Variants in KCNQ3 observed in about 807,000 individuals in gnomAD.
The protein encoded by KCNQ3 is potassium voltage-gated channel subfamily KQT member 3.
In KCNQ3, 30 loss-of-function variants were observed where a neutral mutation model predicts 92.5. The observed-to-expected ratio is 0.32, with a 90% CI of 0.24 to 0.44. The LOEUF is 0.44. KCNQ3 is among the 20% of genes least tolerant of loss of function. The pLI, the probability that KCNQ3 is intolerant of heterozygous loss-of-function variation, is 1.00. For missense variants in KCNQ3, 913 were observed against 1,140.3 expected (o/e 0.80, Z 2.87); for synonymous variants, 450 against 468.8 (o/e 0.96, Z 0.52).
intron 1 of KCNQ3, among the ~76,000 whole-genome samples, chr8:132,361,799 TTTTTAAAC>T (rs1819181034): frequency 6.6e-6 from 1 of 152,164 alleles, no homozygotes; most frequent in African/African-American, 2.4e-5. Context: ...AGATAAGATA[TTTTTAAAC>T]TTTTAAACTG....
intron 1 of KCNQ3, among the ~76,000 whole-genome samples, chr8:132,225,766 A>G (rs1227469551): frequency 6.6e-6 from 1 of 152,226 alleles, no homozygotes; most frequent in African/African-American, 2.4e-5. Context: ...CACTACTTAC[A>G]GAGTCCAGGC....
intron 1 of KCNQ3, among the ~76,000 whole-genome samples, chr8:132,467,211 G>A (rs780066802): frequency 3.3e-5 from 5 of 152,182 alleles, no homozygotes; most frequent in Non-Finnish European, 7.3e-5. Context: ...TGGTGGCTGG[G>A]CGGGTGTTCC....
rs539362734 is a variant in KCNQ3 at position 132,127,491 on chromosome 8, C to T, written c.*1771G>A. ...CTGAGGAAGTGATTCCTCTCTCCAACATAGTGCCAGACTCTCGTATTAGGA... is the reference window on the plus strand; with the variant it reads ...CTGAGGAAGTGATTCCTCTCTCCAATATAGTGCCAGACTCTCGTATTAGGA... On this transcript the variant is annotated 3_prime_UTR_variant, in exon 15 of 15. Coordinates refer to ENST00000388996, the MANE Select transcript of KCNQ3 (RefSeq NM_004519.4). The T allele has an allele frequency of 6.6e-6, 1 of 152,312 alleles. No homozygotes were observed. Among genetic ancestry groups the T allele is most frequent in the Admixed American group, 6.5e-5 (1 of 15,300 alleles). 9.4% of individuals were successfully genotyped at this position (152,312 alleles called of 1,614,324 possible).
At chr8:132,249,635 G>A (rs867093224) in intron 1 of KCNQ3, among the ~76,000 whole-genome samples, 101 of 152,328 alleles carry the variant, frequency 6.6e-4, no homozygotes, top group African/African-American at 2.2e-3. Context: ...TGAGCTGCCC[G>A]CCAGTCCCAC....
At chr8:132,284,823 T>C (rs1165075145) in intron 1 of KCNQ3, among the ~76,000 whole-genome samples, 3 of 152,214 alleles carry the variant, frequency 2.0e-5, no homozygotes, top group Admixed American at 1.3e-4. Flanking sequence ...TAACATGGAT[T>C]AATGTCTTTC....
At chr8:132,385,072 T>C (rs567219248) in intron 1 of KCNQ3, among the ~76,000 whole-genome samples, 8 of 152,256 alleles carry the variant, frequency 5.3e-5, no homozygotes, top group Admixed American at 1.3e-4. Context: ...GAAATAAAAC[T>C]CCTCACCTAA....
intron 1 of KCNQ3, chr8:132,447,351 G>T: frequency 1.0e-6 from 1 of 973,528 alleles, no homozygotes; most frequent in Non-Finnish European, 1.6e-6. Context: ...ACCACAGGCA[G>T]ACAGTAAAGG....
intron 1 of KCNQ3, among the ~76,000 whole-genome samples, chr8:132,222,488 T>C (rs1814270635): frequency 6.6e-6 from 1 of 152,220 alleles, no homozygotes; most frequent in Non-Finnish European, 1.5e-5. Context: ...TTAGTTAGAT[T>C]CTGAGAAGAG....
chr8:132,390,621 A>C (rs375400744), intron 1 of KCNQ3, among the ~76,000 whole-genome samples: 3 of 152,162 alleles, frequency 2.0e-5, no homozygotes, highest in Non-Finnish European at 1.5e-5. Context: ...GGAACACTGT[A>C]TAAGAGCAAG....
At chr8:132,246,435 A>G (rs16904636) in intron 1 of KCNQ3, among the ~76,000 whole-genome samples, 5,309 of 152,268 alleles carry the variant, frequency 0.035, 350 homozygotes, top group African/African-American at 0.12. Context: ...TCTTCAGGGT[A>G]TTGCTGGAGT....
chr8:132,234,155 T>C (rs939852165), intron 1 of KCNQ3, among the ~76,000 whole-genome samples: 2 of 152,102 alleles, frequency 1.3e-5, no homozygotes, highest in African/African-American at 2.4e-5. Context: ...ACAGAAGAAA[T>C]GACTCTGCTC....
chr8:132,477,351 A>T (rs1178699858), intron 1 of KCNQ3, among the ~76,000 whole-genome samples: 5 of 10,318 alleles, frequency 4.8e-4, no homozygotes, highest in Admixed American at 1.3e-3. Flanking sequence ...ATTTTAATTT[A>T]AAAAAAAAAA....
intron 1 of KCNQ3, among the ~76,000 whole-genome samples, chr8:132,309,578 G>A (rs1817530165): frequency 6.6e-6 from 1 of 152,152 alleles, no homozygotes; most frequent in African/African-American, 2.4e-5. Context: ...CAGAAAATGA[G>A]GCACCTCCCA....
chr8:132,337,837 C>T (rs994417222), intron 1 of KCNQ3, among the ~76,000 whole-genome samples: 6 of 152,274 alleles, frequency 3.9e-5, no homozygotes, highest in South Asian at 2.1e-4. Flanking sequence ...TGGGTTGATT[C>T]GGTGCCATAA....
At chr8:132,160,105 T>C (rs1825939057) in intron 9 of KCNQ3, among the ~76,000 whole-genome samples, 1 of 152,122 alleles carries the variant, frequency 6.6e-6, no homozygotes, top group Non-Finnish European at 1.5e-5. Flanking sequence ...GAAAAATCTC[T>C]CTTGGGAGGT....
intron 1 of KCNQ3, among the ~76,000 whole-genome samples, chr8:132,217,172 G>A (rs1814057759): frequency 6.6e-6 from 1 of 152,108 alleles, no homozygotes; most frequent in African/African-American, 2.4e-5. Flanking sequence ...TTACCACGGT[G>A]GGAGTATTTA....
chr8:132,480,646 G>A lies in KCNQ3; in HGVS notation c.-114C>T. The A allele has an allele frequency of 9.4e-7, 1 of 1,067,588 alleles. No individual in the cohort carries two copies. Among genetic ancestry groups the A allele is most frequent in the Non-Finnish European group, 1.2e-6 (1 of 860,366 alleles). 66.1% of individuals were successfully genotyped at this position (1,067,588 alleles called of 1,614,324 possible). ...CGGCTGCAAGCCCGGGAACTCCAAT[G>A]CCATGATCCGCGCGCCCCTCCCCAC... On this transcript the variant is annotated 5_prime_UTR_variant, in exon 1 of 15. Coordinates refer to ENST00000388996, the MANE Select transcript of KCNQ3 (RefSeq NM_004519.4).
chr8:132,321,697 T>G (rs908848391), intron 1 of KCNQ3, among the ~76,000 whole-genome samples: 3 of 152,174 alleles, frequency 2.0e-5, no homozygotes, highest in Non-Finnish European at 2.9e-5. Flanking sequence ...TCCATGTGAT[T>G]TACACCCTAG....
chr8:132,333,233 C>T (rs1052900568), intron 1 of KCNQ3, among the ~76,000 whole-genome samples: 3 of 152,122 alleles, frequency 2.0e-5, no homozygotes, highest in Non-Finnish European at 2.9e-5. Flanking sequence ...CTTACCAACC[C>T]CTCTAAGTCC....
Sources: allele counts gnomAD v4.1 joint callset (sites outside exome capture counted in the v4.1 genomes callset), GRCh38; gene constraint gnomAD v4.1.1; transcripts MANE v1.5; gene names NCBI Gene and HGNC (gene_info 2026-07-23, HGNC 2026-07-21).